The following PCDHGA5 variants were observed in gnomAD, a reference collection of about 807,000 sequenced individuals.
The protein encoded by PCDHGA5 is protocadherin gamma-A5.
Under a neutral mutation model 56.7 loss-of-function variants are expected in PCDHGA5, and 36 were observed. The ratio of observed to expected loss-of-function variants is 0.64; its 90% confidence interval spans 0.49 to 0.84. The LOEUF is 0.84. PCDHGA5 is among the 40% of genes least tolerant of loss of function. The pLI is 0.00. For missense variants in PCDHGA5, 1,305 were observed against 1,201.5 expected, an observed-to-expected ratio of 1.09 and a Z score of -1.27; for synonymous variants, 563 against 520.2, an observed-to-expected ratio of 1.08 and a Z score of -1.12.
intron 1 of PCDHGA5, 146 bp downstream of exon 1, chr5:141,366,897 T>C (rs1764856228): frequency 6.6e-6 from 8 of 1,211,018 alleles, no homozygotes; most frequent in Non-Finnish European, 9.0e-6. Context: ...ATATAATTCA[T>C]GCTTTCTCCA....
chr5:141,400,459 G>T, intron 1 of PCDHGA5: 1 of 1,614,072 alleles, frequency 6.2e-7, no homozygotes, highest in African/African-American at 1.3e-5. Context: ...CATACTTTGT[G>T]GTGATTCATC....
At chr5:141,384,074 T>G in intron 1 of PCDHGA5, 1 of 1,601,488 alleles carries the variant, frequency 6.2e-7, no homozygotes, top group Non-Finnish European at 8.5e-7. Flanking sequence ...AACCTACCTT[T>G]TAAATTAGAA....
chr5:141,413,793 C>G, intron 1 of PCDHGA5: 1 of 1,613,106 alleles, frequency 6.2e-7, no homozygotes, highest in South Asian at 1.1e-5. Context: ...CCCTAGATCG[C>G]GAGGAAGAGG....
At chr5:141,402,881 G>T in intron 1 of PCDHGA5, 1 of 1,477,920 alleles carries the variant, frequency 6.8e-7, no homozygotes. Context: ...ATACTTTGCA[G>T]GGTGGAAGAA....
intron 1 of PCDHGA5, chr5:141,389,816 G>A (rs1359127304): frequency 6.2e-7 from 1 of 1,613,776 alleles, no homozygotes; most frequent in Admixed American, 1.7e-5. Flanking sequence ...TGGTCGCCGT[G>A]CGTGACGGTG....
rs946434728 is a variant in PCDHGA5, at chr5:141,428,357, C to A, written c.2421+61606C>A. On this transcript the variant is annotated intron_variant, in intron 1 of 3. Coordinates refer to ENST00000518069, the MANE Select transcript of PCDHGA5 (RefSeq NM_018918.3). ...CTCTTCTTCCTCGCAGTGATTTTGG[C>A]GGTCGCCTTGCACCTGCGATGCTCT... is the stretch of plus-strand genomic sequence containing the variant. The A allele has an allele frequency of 1.2e-5, 7 of 565,506 alleles. No individual in the cohort carries two copies. The East Asian group carries it at 2.0e-4, about 16-fold the overall frequency. The allele number at this position is 565,506 out of a possible 1,614,324, so 35.0% of individuals were successfully genotyped here.
At chr5:141,409,317 G>A in intron 1 of PCDHGA5, 2 of 1,613,940 alleles carry the variant, frequency 1.2e-6, no homozygotes, top group Non-Finnish European at 1.7e-6. Flanking sequence ...TTCAAAACAC[G>A]GGATCTGGAT....
At chr5:141,399,805 T>C (rs776266997) in intron 1 of PCDHGA5, 26 of 1,613,074 alleles carry the variant, frequency 1.6e-5, no homozygotes, top group Non-Finnish European at 8.5e-7. Flanking sequence ...GCGGGTGCTG[T>C]ACCCCGCGCT....
chr5:141,366,010 T>A lies in PCDHGA5; in HGVS notation c.1680T>A (p.Pro560=). The A allele has an allele frequency of 6.2e-7, 1 of 1,614,232 alleles. No individual in the cohort carries two copies. The highest frequency in any genetic ancestry group is 1.1e-5 in the South Asian group (1 of 91,092). Residue 560 remains proline, a synonymous_variant, in exon 1 of 4, where the codon CCT becomes CCA. Transcript: ENST00000518069. ...LFVLDQNDNT[P]EILYPALPTD... ...TGCTGGACCAGAACGACAATACGCC[T>A]GAGATCCTGTACCCCGCCCTCCCCA...
At chr5:141,370,759 T>C in intron 1 of PCDHGA5, 3 of 1,614,022 alleles carry the variant, frequency 1.9e-6, no homozygotes, top group Non-Finnish European at 1.7e-6. Flanking sequence ...GTAACTGTGC[T>C]GATCCAGGAT....
chr5:141,507,478 C>T (rs933478897), intron 3 of PCDHGA5, among the ~76,000 whole-genome samples: 5 of 152,158 alleles, frequency 3.3e-5, no homozygotes, highest in African/African-American at 1.2e-4. Flanking sequence ...GGACTGCTGG[C>T]CTCCTGAGGC....
chr5:141,390,591 T>G, intron 1 of PCDHGA5: 1 of 333,500 alleles, frequency 3.0e-6, no homozygotes, highest in Non-Finnish European at 5.4e-6. Flanking sequence ...TGAATGAGAT[T>G]TTTCCTATAC....
chr5:141,464,328 C>T (rs2099081878), intron 1 of PCDHGA5, among the ~76,000 whole-genome samples: 1 of 150,722 alleles, frequency 6.6e-6, no homozygotes, highest in Admixed American at 6.6e-5. Context: ...CTGTTCAACC[C>T]ATCTATGACT....
chr5:141,365,327 G>C lies in PCDHGA5; in HGVS notation c.997G>C (p.Val333Leu), dbSNP rs747026177. The C allele has an allele frequency of 1.1e-5, 17 of 1,613,880 alleles. No individual in the cohort carries two copies. The Admixed American group carries it at 2.8e-4, about 27-fold the overall frequency. The change falls in exon 1 of 4, where the codon GTG becomes CTG. Residue 333 changes from valine (V) to leucine (L), a missense_variant. Physicochemically the swap from Val to Leu is conservative, Grantham distance 32. Transcript: ENST00000518069. ...DGGALVASAK[V>L]VVTVQDVNDN... ...AGGCGCTCTTGTTGCCAGCGCTAAG[G>C]TGGTGGTCACAGTACAGGACGTGAA... is the stretch of plus-strand genomic sequence containing the variant.
intron 1 of PCDHGA5, chr5:141,388,500 A>T: frequency 6.2e-7 from 1 of 1,613,860 alleles, no homozygotes; most frequent in Non-Finnish European, 8.5e-7. Flanking sequence ...AGAAAAGCAG[A>T]AATCCTACCA....
intron 1 of PCDHGA5, among the ~76,000 whole-genome samples, chr5:141,466,540 G>T (rs1302720337): frequency 6.6e-6 from 1 of 152,094 alleles, no homozygotes; most frequent in Non-Finnish European, 1.5e-5. Context: ...GATGTAGATG[G>T]TCTTTTGCTG....
At chr5:141,438,621 TATATATATATATATACAC>T (rs1369797568) in intron 1 of PCDHGA5, among the ~76,000 whole-genome samples, 6 of 41,386 alleles carry the variant, frequency 1.4e-4, no homozygotes, top group South Asian at 9.0e-4. Context: ...TATATATATA[TATATATATATATATACAC>T]ACACACACAC....
At position 141,366,259 on chromosome 5, in the gene PCDHGA5, G is replaced by A. The variant is rs369720611; in HGVS notation, c.1929G>A (p.Val643=). ...GAGACGCGCTCAAGCAGAGCCTCGTGGTGGCCGTCGAAGACCATGGCCAGC... is the reference window on the plus strand; with the variant it reads ...GAGACGCGCTCAAGCAGAGCCTCGTAGTGGCCGTCGAAGACCATGGCCAGC... ...LDRDALKQSL[V]VAVEDHGQPP... is the part of the protein sequence containing the mutation. Residue 643 remains valine, a synonymous_variant, in exon 1 of 4, where the codon GTG becomes GTA. Coordinates refer to ENST00000518069, the MANE Select transcript of PCDHGA5 (RefSeq NM_018918.3). The A allele has an allele frequency of 1.8e-5, 29 of 1,613,546 alleles. No homozygotes were observed. Among genetic ancestry groups the A allele is most frequent in the Non-Finnish European group, 2.5e-5 (29 of 1,179,992 alleles).
At chr5:141,427,426 C>G (rs569185252) in intron 1 of PCDHGA5, 1 of 469,896 alleles carries the variant, frequency 2.1e-6, no homozygotes, top group Admixed American at 2.3e-5. Flanking sequence ...GGGGAGGTTA[C>G]ATGCCTCATA....
Sources: gnomAD v4.1 joint callset for allele counts (sites outside exome capture counted in the v4.1 genomes callset) on GRCh38, gnomAD v4.1.1 for gene constraint, MANE v1.5 for transcripts, NCBI Gene and HGNC (gene_info 2026-07-23, HGNC 2026-07-21) for gene names.